FBN3: variants seen among roughly 807,000 people sequenced by gnomAD.
FBN3 encodes fibrillin 3, also known as fibrillin-3.
Under a neutral mutation model 330.1 loss-of-function variants are expected in FBN3, and 234 were observed. The observed-to-expected ratio is 0.71, with a 90% CI of 0.64 to 0.79. FBN3 has a LOEUF of 0.79. Among genes scored for constraint, FBN3 ranks in the 30% least tolerant of loss-of-function variants. FBN3 has a pLI of 0.00. For missense variants in FBN3, 3,606 were observed against 3,886.9 expected, an observed-to-expected ratio of 0.93 and a Z score of 1.92; for synonymous variants, 1,458 against 1,517.3, an observed-to-expected ratio of 0.96 and a Z score of 0.91.
rs1257471194 is a variant in FBN3, at chr19:8,117,552, G to A, written c.3375C>T (p.Pro1125=). The stretch of plus-strand genomic sequence containing the variant: ...CGATGACATTGACACACTGGCCATG[G>A]GGACACAGGCCATCACTCAGGGAGC... The part of the protein sequence containing the change: ...DECSLSDGLC[P]HGQCVNVIGA... The change falls in exon 27 of 64, where the codon CCC becomes CCT. Residue 1125 remains proline (P), a synonymous_variant. Transcript: ENST00000600128. 6.4e-7 allele frequency: 1 copy of A among 1,557,342 alleles called. No homozygotes were observed. Among genetic ancestry groups the A allele is most frequent in the Admixed American group, 1.9e-5 (1 of 51,852 alleles).
chr19:8,134,798 G>C (rs2083240391), intron 13 of FBN3, among the ~76,000 whole-genome samples: 1 of 151,008 alleles, frequency 6.6e-6, no homozygotes, highest in African/African-American at 2.4e-5. Flanking sequence ...GCCGGGCACA[G>C]TGGCGCACAC....
At chr19:8,123,084 T>A (rs62126084) in intron 24 of FBN3, among the ~76,000 whole-genome samples, 24,350 of 151,352 alleles carry the variant, frequency 0.16, 2,228 homozygotes, top group East Asian at 0.33. Flanking sequence ...CCAGGCACAG[T>A]GGCTCACACC....
At chr19:8,092,177 C>CAAAA (rs138095815) in intron 47 of FBN3, among the ~76,000 whole-genome samples, 3 of 115,766 alleles carry the variant, frequency 2.6e-5, no homozygotes, top group African/African-American at 9.1e-5. Context: ...GACTCTGTCT[C>CAAAA]AAAAAAAAAA....
intron 63 of FBN3, among the ~76,000 whole-genome samples, chr19:8,066,738 G>T (rs1043350110): frequency 2.0e-5 from 3 of 152,132 alleles, no homozygotes; most frequent in African/African-American, 4.8e-5. Context: ...AATTAGCTGG[G>T]CGTGGTGGCG....
chr19:8,148,156 A>G (rs2083595250), intron 1 of FBN3, among the ~76,000 whole-genome samples: 1 of 151,670 alleles, frequency 6.6e-6, no homozygotes, highest in African/African-American at 2.4e-5. Context: ...CACTCCTGCA[A>G]TGCCTGGCCC....
chr19:8,097,039 C>G lies in FBN3; in HGVS notation c.5288-33G>C, dbSNP rs781387154. On this transcript the variant is annotated intron_variant, in intron 42 of 63. Transcript: ENST00000600128. The stretch of plus-strand genomic sequence containing the variant: ...AATACAGCAAATGAGGTGGGGGTGA[C>G]AGAGAAGCCCATCCTGACAGAATCA... 3 of 1,603,138 alleles carry G rather than the reference C, an allele frequency of 1.9e-6. No homozygotes were observed. The South Asian group carries it at 3.3e-5, about 18-fold the overall frequency.
rs1333905244 is a variant in FBN3, at chr19:8,130,624, GAAA to G, written c.2044+608_2044+610del. ...AGAAAGAAAGAAAGAAAGAAAGAAA[GAAA>G]GAAAGAAAGAAAGAAAGGAAAGGAA... On this transcript the variant is annotated intron_variant, in intron 16 of 63. Transcript: ENST00000600128. Among the ~76,000 whole-genome samples, 83 of 13,958 alleles carry G rather than the reference GAAA, an allele frequency of 5.9e-3. 16 individuals are homozygous for G. The highest frequency in any genetic ancestry group is 9.0e-3 in the African/African-American group (21 of 2,344). The allele number at this position is 13,958 out of a possible 152,430, so 9.2% of individuals were successfully genotyped here.
In FBN3 at chr19:8,121,366, A is replaced by G. The variant is rs1264625527; in HGVS notation, c.3103T>C (p.Ser1035Pro). Residue 1035 changes from serine to proline, a missense_variant, in exon 25 of 64, where the codon TCT (serine) becomes CCT (proline). By Grantham distance (74) the Ser-to-Pro change is moderately conservative (BLOSUM62 -1). Transcript: ENST00000600128. The surrounding 1 kb of genome is among the most constrained non-coding windows in gnomAD (Gnocchi z 4.5). ...NCTDIDECRI[S>P]PDLCGQGTCV... ...GTGCCCTGGCCGCAGAGGTCAGGAG[A>G]GATGCGACACTCGTCGATATCTGTG... The G allele has an allele frequency of 6.2e-7, 1 of 1,606,906 alleles. No individual in the cohort carries two copies. Among genetic ancestry groups the G allele is most frequent in the Non-Finnish European group, 8.5e-7 (1 of 1,176,396 alleles).
In FBN3 at chr19:8,126,497, C is replaced by T; in HGVS notation, c.2525G>A (p.Trp842Ter). 1.2e-6 allele frequency: 2 copies of T among 1,613,174 alleles called. No homozygotes were observed. Among genetic ancestry groups the T allele is most frequent in the Non-Finnish European group, 1.7e-6 (2 of 1,179,716 alleles). ...SECCATLGAA[W>*]GSPCERCEID... ...CTCGCAGCGTTCGCAGGGGCTCCCC[C>T]AGGCTGCCCCGAGGGTGGCGCAGCA... The change falls in exon 20 of 64, where the codon TGG (tryptophan) becomes TAG (stop). Residue 842 changes from tryptophan to a stop codon, truncating the protein, a stop_gained. Transcript: ENST00000600128. LOFTEE classifies it high-confidence loss of function.
rs200594392 is a variant in FBN3, at chr19:8,129,218, G to A, written c.2170+22C>T. On this transcript the variant is annotated intron_variant, in intron 17 of 63. Transcript: ENST00000600128. The surrounding 1 kb of genome is among the most constrained non-coding windows in gnomAD (Gnocchi z 4.5). ...AGTGGGAGAGGCTGCCCACACATCC[G>A]CCCGCCAGGTGGCATGCTCACCTGT... 19 of 1,612,844 alleles carry A rather than the reference G, an allele frequency of 1.2e-5. No individual in the cohort carries two copies. Among genetic ancestry groups the A allele is most frequent in the African/African-American group, 4.0e-5 (3 of 75,036 alleles).
At position 8,147,443 on chromosome 19, in the gene FBN3, A is replaced by G. The variant is rs1175081298; in HGVS notation, c.38T>C (p.Leu13Pro). The G allele has an allele frequency of 2.6e-6, 4 of 1,566,956 alleles. No individual in the cohort carries two copies. The highest frequency in any genetic ancestry group is 2.6e-6 in the Non-Finnish European group (3 of 1,159,236). The change falls in exon 2 of 64, where the codon CTG (leucine) becomes CCG (proline). Residue 13 changes from leucine to proline, a missense_variant. Leu to Pro is a moderately conservative substitution (Grantham distance 98). Transcript: ENST00000600128. ...LEGLYLARGP[L>P]ARLLLAWSAL... ...CGACCAGGCCAGCAGGAGCCGGGCCAGGGGGCCCCTTGCCAAATACAGACC... is the reference window on the plus strand; with the variant it reads ...CGACCAGGCCAGCAGGAGCCGGGCCGGGGGGCCCCTTGCCAAATACAGACC...
At chr19:8,139,203 C>T (rs2336539) in intron 8 of FBN3, among the ~76,000 whole-genome samples, 50,336 of 151,570 alleles carry the variant, frequency 0.33, 9,707 homozygotes, top group Non-Finnish European at 0.45. Flanking sequence ...AAAAATTAGC[C>T]GGGTGCGGTG....
chr19:8,092,473 G>A (rs2082117710), intron 47 of FBN3, among the ~76,000 whole-genome samples: 1 of 151,962 alleles, frequency 6.6e-6, no homozygotes, highest in Non-Finnish European at 1.5e-5. Flanking sequence ...AGCACTTTGG[G>A]AGGCCAAGGC....
chr19:8,080,664 G>T (rs1237209900), intron 59 of FBN3, among the ~76,000 whole-genome samples: 1 of 152,068 alleles, frequency 6.6e-6, no homozygotes, highest in Non-Finnish European at 1.5e-5. Flanking sequence ...TGTTGCCCAG[G>T]CTGGAGTGCA....
Position 8,144,969 on chromosome 19 carries a change from A to G in FBN3, c.449T>C (p.Ile150Thr). The G allele has an allele frequency of 6.2e-7, 1 of 1,608,710 alleles. No individual in the cohort carries two copies. Among genetic ancestry groups the G allele is most frequent in the South Asian group, 1.1e-5 (1 of 89,602 alleles). The change falls in exon 6 of 64, where the codon ATC becomes ACC. Residue 150 changes from isoleucine (I) to threonine (T), a missense_variant. Coordinates refer to ENST00000600128, the MANE Select transcript of FBN3 (RefSeq NM_032447.5). ...GYTGTVCGQP[I>T]CDRGCHNGGR... ...CCCATTGTGGCAGCCGCGGTCACAGATGGCTGTGGAGGAGAGAGGGTGATG... is the reference window on the plus strand; with the variant it reads ...CCCATTGTGGCAGCCGCGGTCACAGGTGGCTGTGGAGGAGAGAGGGTGATG...
chr19:8,116,806 G>A lies in FBN3; in HGVS notation c.3587-7C>T, dbSNP rs755988800. The stretch of plus-strand genomic sequence containing the variant: ...TCTTCACACTCGTCCACGTCTGGGG[G>A]AGCAGGGTTGGGGACTGTGCTTAGC... On this transcript the variant is annotated splice_region_variant and splice_polypyrimidine_tract_variant and intron_variant, in intron 28 of 63. Transcript: ENST00000600128. 21 of 1,613,330 alleles carry A rather than the reference G, an allele frequency of 1.3e-5. No individual in the cohort carries two copies. The highest frequency in any genetic ancestry group is 1.8e-5 in the Non-Finnish European group (21 of 1,179,596).
In FBN3 at chr19:8,123,875, C is replaced by G. The variant is rs749171861; in HGVS notation, c.2865G>C (p.Pro955=). Residue 955 remains proline, a synonymous_variant, in exon 23 of 64, where the codon CCG becomes CCC. Coordinates refer to ENST00000600128, the MANE Select transcript of FBN3 (RefSeq NM_032447.5). ...AVWGVECEAC[P]DPESLEFASL... ...TGGCGAACTCCAGAGACTCGGGATCCGGGCAGGCCTCGCACTCGACTCCCC... is the reference window on the plus strand; with the variant it reads ...TGGCGAACTCCAGAGACTCGGGATCGGGGCAGGCCTCGCACTCGACTCCCC... 1.9e-6 allele frequency: 3 copies of G among 1,613,444 alleles called. No individual in the cohort carries two copies. Among genetic ancestry groups the G allele is most frequent in the Non-Finnish European group, 2.5e-6 (3 of 1,179,986 alleles).
At chr19:8,111,503 C>G (rs2082581945) in intron 32 of FBN3, 145 bp downstream of exon 32, 3 of 945,772 alleles carry the variant, frequency 3.2e-6, no homozygotes, top group East Asian at 5.3e-5. Flanking sequence ...ACCGCCTGGG[C>G]CGAGGACACA....
Position 8,089,955 on chromosome 19 carries a change from G to A in FBN3, c.6189C>T (p.Ala2063=), listed in dbSNP as rs1371655805. Residue 2063 remains alanine, a synonymous_variant, in exon 50 of 64, where the codon GCC becomes GCT. Coordinates refer to ENST00000600128, the MANE Select transcript of FBN3 (RefSeq NM_032447.5). ...GGCCAAAGGGGCAGAGCTCCTGAAA[G>A]GCAGCTGGACGGAGAGGGGGAGGGG... ...CELCPQEGSA[A]FQELCPFGHG... 1.2e-6 allele frequency: 2 copies of A among 1,610,886 alleles called. No homozygotes were observed. The highest frequency in any genetic ancestry group is 1.7e-6 in the Non-Finnish European group (2 of 1,179,192).
Sources: allele counts gnomAD v4.1 joint callset (sites outside exome capture counted in the v4.1 genomes callset), GRCh38; gene constraint gnomAD v4.1.1; non-coding constraint Gnocchi (gnomAD v3.1); transcripts MANE v1.5; gene names NCBI Gene and HGNC (gene_info 2026-07-23, HGNC 2026-07-21).